Variants in NR1H4 observed in about 807,000 individuals in gnomAD.
NR1H4 encodes bile acid receptor.
Under a neutral mutation model 58.5 loss-of-function variants are expected in NR1H4, and 23 were observed. The ratio of observed to expected loss-of-function variants is 0.39; its 90% CI spans 0.28 to 0.56. The LOEUF (loss-of-function observed/expected upper bound fraction) is 0.56. Among genes scored for constraint, NR1H4 ranks in the 20% least tolerant of loss-of-function variants. The pLI, the probability that NR1H4 is intolerant of heterozygous loss-of-function variation, is 0.58. For synonymous variants in NR1H4, 214 were observed against 198.0 expected (o/e 1.08, Z -0.68); for missense variants, 487 against 576.9 (o/e 0.84, Z 1.60).
intron 1 of NR1H4, among the ~76,000 whole-genome samples, chr12:100,484,259 C>T (rs932787425): frequency 2.6e-5 from 4 of 152,152 alleles, no homozygotes; most frequent in Non-Finnish European, 5.9e-5. Context: ...CACTAAGATT[C>T]CTCTAAATCA....
intron 4 of NR1H4, among the ~76,000 whole-genome samples, chr12:100,520,662 T>C (rs1286675186): frequency 6.6e-6 from 1 of 152,134 alleles, no homozygotes; most frequent in African/African-American, 2.4e-5. Context: ...CCCTCAAAGC[T>C]AGTGACTGGA....
At chr12:100,548,479 A>C (rs1265342009) in intron 9 of NR1H4, among the ~76,000 whole-genome samples, 1 of 151,982 alleles carries the variant, frequency 6.6e-6, no homozygotes, top group Non-Finnish European at 1.5e-5. Flanking sequence ...GTCATCTCTC[A>C]TCAGAATATC....
intron 3 of NR1H4, among the ~76,000 whole-genome samples, chr12:100,507,966 T>C (rs1368107956): frequency 6.6e-6 from 1 of 152,090 alleles, no homozygotes; most frequent in Non-Finnish European, 1.5e-5. Flanking sequence ...CATATACTTA[T>C]GGAGACTTTT....
At chr12:100,538,173 T>G (rs1351385676) in intron 8 of NR1H4, among the ~76,000 whole-genome samples, 1 of 152,162 alleles carries the variant, frequency 6.6e-6, no homozygotes, top group Non-Finnish European at 1.5e-5. Flanking sequence ...ACTAAGGAAT[T>G]TAATCTGTGT....
At chr12:100,516,163 G>A (rs895363779) in intron 4 of NR1H4, among the ~76,000 whole-genome samples, 4 of 152,126 alleles carry the variant, frequency 2.6e-5, no homozygotes, top group African/African-American at 7.2e-5. Context: ...CTCTCCATGA[G>A]GTCATCAAAA....
chr12:100,508,807 C>CA (rs932043355), intron 3 of NR1H4, among the ~76,000 whole-genome samples: 13 of 152,128 alleles, frequency 8.5e-5, no homozygotes, highest in African/African-American at 3.1e-4. Context: ...CCCAAAGCCC[C>CA]AAAAAACCAC....
At chr12:100,481,929 AAAATAAATAAAT>A (rs914502688) in intron 1 of NR1H4, among the ~76,000 whole-genome samples, 2 of 151,308 alleles carry the variant, frequency 1.3e-5, no homozygotes, top group African/African-American at 4.9e-5. Flanking sequence ...AATAAAAATA[AAAATAAATAAAT>A]AAATAAATAA....
intron 5 of NR1H4, among the ~76,000 whole-genome samples, chr12:100,533,555 G>T (rs763184397): frequency 7.2e-5 from 11 of 152,196 alleles, no homozygotes; most frequent in Non-Finnish European, 1.3e-4. Flanking sequence ...TAGCATACAT[G>T]AAATGAGAAC....
intron 1 of NR1H4, among the ~76,000 whole-genome samples, chr12:100,488,199 C>T (rs575270606): frequency 4.1e-4 from 63 of 152,150 alleles, no homozygotes; most frequent in Non-Finnish European, 7.5e-4. Context: ...TGAGATTCCT[C>T]ATGTTGGCCA....
At chr12:100,492,819 A>G (rs546421201) in intron 2 of NR1H4, among the ~76,000 whole-genome samples, 182 bp downstream of exon 2, 67 of 152,332 alleles carry the variant, frequency 4.4e-4, no homozygotes, top group African/African-American at 1.6e-3. Context: ...GTCAAAAAAA[A>G]TTCCAGTAGG....
intron 4 of NR1H4, among the ~76,000 whole-genome samples, chr12:100,527,243 G>A (rs538047706): frequency 6.6e-6 from 1 of 152,362 alleles, no homozygotes; most frequent in East Asian, 1.9e-4. Context: ...AGAGCACAGA[G>A]TCAGGTGGGC....
intron 3 of NR1H4, among the ~76,000 whole-genome samples, chr12:100,498,093 C>G (rs1041241094): frequency 1.3e-5 from 2 of 152,040 alleles, no homozygotes; most frequent in Non-Finnish European, 2.9e-5. Flanking sequence ...CAGTTTTTAC[C>G]CACATAAAAT....
intron 9 of NR1H4, among the ~76,000 whole-genome samples, chr12:100,549,106 A>G (rs370910152): frequency 5.3e-5 from 8 of 152,150 alleles, no homozygotes; most frequent in African/African-American, 1.2e-4. Flanking sequence ...CGGGAGGCCA[A>G]CGTGGGCAGA....
chr12:100,528,283 C>T (rs1954610876), intron 4 of NR1H4, among the ~76,000 whole-genome samples: 1 of 151,952 alleles, frequency 6.6e-6, no homozygotes, highest in African/African-American at 2.4e-5. Context: ...ATGAGAAGTG[C>T]CTGAACTCAG....
intron 3 of NR1H4, among the ~76,000 whole-genome samples, chr12:100,498,544 A>G (rs1042161207): frequency 3.3e-5 from 5 of 152,066 alleles, no homozygotes; most frequent in African/African-American, 1.2e-4. Flanking sequence ...AGGCTGAGGC[A>G]GGAGAATCGC....
intron 9 of NR1H4, among the ~76,000 whole-genome samples, chr12:100,561,363 A>G (rs950733643): frequency 2.0e-5 from 3 of 152,062 alleles, no homozygotes; most frequent in Non-Finnish European, 2.9e-5. Context: ...ACGCCACTGC[A>G]CTCCAGCCTG....
At chr12:100,559,831 G>A (rs1565787085) in intron 9 of NR1H4, among the ~76,000 whole-genome samples, 1 of 152,250 alleles carries the variant, frequency 6.6e-6, no homozygotes, top group African/African-American at 2.4e-5. Context: ...ACTAGGTGAA[G>A]CCAGCTGGGC....
intron 1 of NR1H4, among the ~76,000 whole-genome samples, chr12:100,476,764 G>T (rs1314184459): frequency 1.3e-5 from 2 of 152,186 alleles, no homozygotes; most frequent in African/African-American, 2.4e-5. Context: ...ATGAGTGCCT[G>T]TGATCCCAGC....
intron 4 of NR1H4, among the ~76,000 whole-genome samples, chr12:100,515,308 C>T (rs1954236713): frequency 1.3e-5 from 2 of 151,542 alleles, no homozygotes; most frequent in South Asian, 4.2e-4. Context: ...AGTAGCTGGG[C>T]TTACAGGCGC....
Sources: gnomAD v4.1 joint callset for allele counts (sites outside exome capture counted in the v4.1 genomes callset) on GRCh38, gnomAD v4.1.1 for gene constraint, MANE v1.5 for transcripts, NCBI Gene and HGNC (gene_info 2026-07-23, HGNC 2026-07-21) for gene names.